SNTG1: variants seen among roughly 807,000 people sequenced by gnomAD.
The protein encoded by SNTG1 is syntrophin gamma 1.
SNTG1 carries 39 observed loss-of-function variants against 74.7 expected under a neutral mutation model. The ratio of observed to expected loss-of-function variants is 0.52; its 90% CI spans 0.40 to 0.68. The LOEUF (loss-of-function observed/expected upper bound fraction) is 0.68, where lower values mean the gene tolerates loss of function less well. SNTG1 is among the 30% of genes least tolerant of loss of function. The probability of loss-of-function intolerance (pLI) is 0.00; values close to 1 mark genes in which losing one functional copy is unlikely to be tolerated. For missense variants in SNTG1, 685 were observed against 609.5 expected (o/e 1.12, Z -1.30); for synonymous variants, 254 against 217.1 (o/e 1.17, Z -1.49).
chr8:49,956,271 C>T (rs1406701007), intron 1 of SNTG1, among the ~76,000 whole-genome samples: 1 of 152,198 alleles, frequency 6.6e-6, no homozygotes, highest in African/African-American at 2.4e-5. Flanking sequence ...CCTTACAAAG[C>T]CAATATAGTA....
chr8:50,602,150 T>C (rs933882856), intron 13 of SNTG1, among the ~76,000 whole-genome samples: 2 of 152,100 alleles, frequency 1.3e-5, no homozygotes, highest in Non-Finnish European at 2.9e-5. Context: ...CTTACTCTTA[T>C]TTTGCTATTT....
intron 1 of SNTG1, among the ~76,000 whole-genome samples, chr8:50,149,986 G>A (rs2082006491): frequency 6.6e-6 from 1 of 152,122 alleles, no homozygotes; most frequent in South Asian, 2.1e-4. Context: ...ACCTTGGGCA[G>A]TATGGCCATT....
At chr8:50,588,085 A>T (rs2094665311) in intron 12 of SNTG1, among the ~76,000 whole-genome samples, 1 of 151,936 alleles carries the variant, frequency 6.6e-6, no homozygotes, top group Non-Finnish European at 1.5e-5. Context: ...GCACTGCTGC[A>T]CTACAGCCTG....
chr8:50,066,717 T>A (rs1050114390), intron 1 of SNTG1, among the ~76,000 whole-genome samples: 1 of 152,224 alleles, frequency 6.6e-6, no homozygotes, highest in Admixed American at 6.5e-5. Context: ...CACTTCAGTG[T>A]TTAAAATAAT....
At chr8:50,277,563 T>C (rs1013634632) in intron 2 of SNTG1, among the ~76,000 whole-genome samples, 2 of 152,196 alleles carry the variant, frequency 1.3e-5, no homozygotes, top group African/African-American at 4.8e-5. Context: ...ATAGTTGTTA[T>C]AAAATGGAAT....
intron 1 of SNTG1, among the ~76,000 whole-genome samples, chr8:49,938,196 T>C (rs1808261289): frequency 1.3e-5 from 2 of 152,302 alleles, no homozygotes; most frequent in South Asian, 4.1e-4. Context: ...TTCCTTGGTG[T>C]AATTTGTAAA....
intron 1 of SNTG1, among the ~76,000 whole-genome samples, chr8:50,014,401 G>T (rs1399154420): frequency 2.0e-5 from 3 of 152,092 alleles, no homozygotes; most frequent in African/African-American, 2.4e-5. Flanking sequence ...TGTGATTTTA[G>T]TTGGGAAAAC....
At chr8:50,327,012 C>T (rs2090775789) in intron 2 of SNTG1, among the ~76,000 whole-genome samples, 3 of 151,962 alleles carry the variant, frequency 2.0e-5, no homozygotes, top group Admixed American at 6.5e-5. Context: ...AGATATCTTT[C>T]TGTTATTGAT....
intron 4 of SNTG1, among the ~76,000 whole-genome samples, chr8:50,422,544 G>T (rs894488204): frequency 1.3e-5 from 2 of 152,074 alleles, no homozygotes; most frequent in African/African-American, 2.4e-5. Context: ...GCCACTCCAT[G>T]CAGGAGACAG....
At chr8:50,586,202 G>C (rs2130849235) in intron 12 of SNTG1, among the ~76,000 whole-genome samples, 1 of 152,256 alleles carries the variant, frequency 6.6e-6, no homozygotes, top group South Asian at 2.1e-4. Flanking sequence ...TATCTTCAAA[G>C]GGAATTCAAG....
intron 1 of SNTG1, among the ~76,000 whole-genome samples, chr8:50,040,726 T>C (rs1818563117): frequency 6.6e-6 from 1 of 152,164 alleles, no homozygotes; most frequent in Non-Finnish European, 1.5e-5. Flanking sequence ...GTTTAAAAAA[T>C]ACATTGATGA....
At chr8:50,661,023 TC>T (rs1187931046) in intron 15 of SNTG1, among the ~76,000 whole-genome samples, 5 of 152,140 alleles carry the variant, frequency 3.3e-5, no homozygotes, top group Non-Finnish European at 5.9e-5. Flanking sequence ...TTTAGTTTTT[TC>T]CCCCACTTGT....
intron 1 of SNTG1, among the ~76,000 whole-genome samples, chr8:50,041,178 G>A (rs1818611051): frequency 6.6e-6 from 1 of 152,152 alleles, no homozygotes; most frequent in African/African-American, 2.4e-5. Flanking sequence ...TTACAGGCGT[G>A]AGCCACCACA....
At chr8:50,758,452 T>C (rs1216867100) in intron 18 of SNTG1, among the ~76,000 whole-genome samples, 1 of 152,034 alleles carries the variant, frequency 6.6e-6, no homozygotes, top group Non-Finnish European at 1.5e-5. Context: ...GTATTCCTGC[T>C]AATGCTATCC....
intron 13 of SNTG1, among the ~76,000 whole-genome samples, chr8:50,625,180 C>A (rs923652327): frequency 1.3e-5 from 2 of 152,182 alleles, no homozygotes; most frequent in African/African-American, 2.4e-5. Context: ...ACAGGTAAGA[C>A]CCTACAGCAC....
At chr8:49,938,608 TTTCTTTCTTTCTTTCTTTC>T (rs1808375617) in intron 1 of SNTG1, among the ~76,000 whole-genome samples, 1 of 51,546 alleles carries the variant, frequency 1.9e-5, no homozygotes, top group African/African-American at 5.5e-5. Flanking sequence ...TTTTCTTTTC[TTTCTTTCTTTCTTTCTTTC>T]TTTCTTTCTT....
At chr8:50,129,584 T>G (rs553540639) in intron 1 of SNTG1, among the ~76,000 whole-genome samples, 4 of 152,270 alleles carry the variant, frequency 2.6e-5, no homozygotes, top group South Asian at 2.1e-4. Context: ...TCTGTGGGTT[T>G]GGATTCATAC....
chr8:50,624,060 T>A (rs2094940872), intron 13 of SNTG1, among the ~76,000 whole-genome samples: 1 of 152,048 alleles, frequency 6.6e-6, no homozygotes, highest in Non-Finnish European at 1.5e-5. Flanking sequence ...CAGGCTTTTG[T>A]GTTTGGTGGT....
chr8:50,742,695 A>T (rs1356001435), intron 17 of SNTG1, among the ~76,000 whole-genome samples: 1 of 151,792 alleles, frequency 6.6e-6, no homozygotes, highest in East Asian at 1.9e-4. Flanking sequence ...ATAGTTGAAA[A>T]AAATAAAATA....
Sources: gnomAD v4.1 joint callset for allele counts (sites outside exome capture counted in the v4.1 genomes callset) on GRCh38, gnomAD v4.1.1 for gene constraint, MANE v1.5 for transcripts, NCBI Gene and HGNC (gene_info 2026-07-23, HGNC 2026-07-21) for gene names.